Variants in NAV3 observed in about 807,000 individuals in gnomAD.
The protein encoded by NAV3 is neuron navigator 3, also known as pore membrane and/or filament interacting like protein 1.
A neutral mutation model predicts 244.7 loss-of-function variants in NAV3; 87 were observed. The ratio of observed to expected loss-of-function variants is 0.36; its 90% CI spans 0.30 to 0.42. The LOEUF is 0.42. Ranked by LOEUF, NAV3 falls within the 20% of genes least tolerant of loss-of-function variation. The pLI, the probability that NAV3 is intolerant of heterozygous loss-of-function variation, is 1.00. For missense variants in NAV3, 2,663 were observed against 2,893.3 expected (o/e 0.92, Z 1.83); for synonymous variants, 1,126 against 1,042.2 (o/e 1.08, Z -1.55).
chr12:77,832,229 C>T (rs778210454), intron 1 of NAV3, among the ~76,000 whole-genome samples: 2 of 152,170 alleles, frequency 1.3e-5, no homozygotes, highest in Non-Finnish European at 2.9e-5. Flanking sequence ...CTTGATACTG[C>T]ACATTTATAT....
intron 5 of NAV3, among the ~76,000 whole-genome samples, chr12:77,969,720 G>A (rs548068514): frequency 7.9e-5 from 12 of 152,138 alleles, no homozygotes; most frequent in South Asian, 6.2e-4. Flanking sequence ...TGACAGGTGC[G>A]TGTAATCCCA....
intron 2 of NAV3, among the ~76,000 whole-genome samples, chr12:77,609,787 G>A (rs1378370386): frequency 6.6e-6 from 1 of 151,976 alleles, no homozygotes; most frequent in Non-Finnish European, 1.5e-5. Flanking sequence ...GCCTTCACAA[G>A]GCAATCCTCA....
intron 1 of NAV3, among the ~76,000 whole-genome samples, chr12:77,903,418 T>G (rs865811988): frequency 2.0e-5 from 3 of 152,286 alleles, no homozygotes; most frequent in Middle Eastern, 6.8e-3. Context: ...TGATAAATGG[T>G]GCCGGGAAAA....
chr12:77,609,447 A>G lies in NAV3; in HGVS notation c.72+37181A>G, dbSNP rs78213581. Among the ~76,000 whole-genome samples the G allele has an allele frequency of 9.7e-3, 1,483 of 152,136 alleles. 24 individuals are homozygous for G. Among genetic ancestry groups the G allele is most frequent in the African/African-American group, 0.034 (1,426 of 41,526 alleles). Reference sequence around the variant, plus strand: ...CTTTTATTCCTTCTAGTTGATTCTGATGCTGCTAATCCACTGTTAAATGTT... The same window carrying G: ...CTTTTATTCCTTCTAGTTGATTCTGGTGCTGCTAATCCACTGTTAAATGTT... On this transcript the variant is annotated intron_variant, in intron 2 of 8. Transcript: ENST00000550042.
intron 2 of NAV3, among the ~76,000 whole-genome samples, chr12:77,621,229 G>T (rs928098816): frequency 6.6e-6 from 1 of 152,036 alleles, no homozygotes; most frequent in Non-Finnish European, 1.5e-5. Flanking sequence ...AAATCCCATG[G>T]GATAGTTAAC....
chr12:78,069,275 T>C (rs1218635192), intron 12 of NAV3, among the ~76,000 whole-genome samples: 2 of 152,050 alleles, frequency 1.3e-5, no homozygotes, highest in African/African-American at 4.8e-5. Context: ...AGTGTTTTCA[T>C]TATAAAATTA....
At chr12:77,946,239 ATGTGTGTG>A (rs763160031) in intron 3 of NAV3, among the ~76,000 whole-genome samples, 1 of 112,626 alleles carries the variant, frequency 8.9e-6, no homozygotes, top group African/African-American at 2.9e-5. Context: ...ATATGTGCGT[ATGTGTGTG>A]TGTGTGTGTG....
chr12:77,834,215 C>T (rs1874225944), intron 1 of NAV3, among the ~76,000 whole-genome samples: 1 of 152,110 alleles, frequency 6.6e-6, no homozygotes, highest in Admixed American at 6.5e-5. Flanking sequence ...TAGCCAGGGA[C>T]CCCATCTTTC....
At position 77,731,634 on chromosome 12, in the gene NAV3, A is replaced by T. The variant is rs1394968642; in HGVS notation, c.72+159368A>T. On this transcript the variant is annotated intron_variant, in intron 2 of 8. Transcript: ENST00000550042. ...GAGCTTTTAATGGGAAACAGCATGG[A>T]TATCATTTATCAACTTGAGAAAAAT... 3.9e-5 allele frequency among the ~76,000 whole-genome samples: 6 copies of T among 152,066 alleles called. No individual in the cohort carries two copies. The East Asian group carries it at 1.2e-3, about 29-fold the overall frequency.
intron 1 of NAV3, among the ~76,000 whole-genome samples, chr12:77,841,891 C>A (rs1565846404): frequency 6.6e-6 from 1 of 152,156 alleles, no homozygotes; most frequent in Non-Finnish European, 1.5e-5. Flanking sequence ...CATATCACTT[C>A]CACTCTATTT....
chr12:77,629,898 A>C (rs934930783), intron 2 of NAV3, among the ~76,000 whole-genome samples: 2 of 152,184 alleles, frequency 1.3e-5, no homozygotes, highest in Non-Finnish European at 2.9e-5. Flanking sequence ...TGAGTCCTTG[A>C]TAGGGTACTG....
Position 77,572,994 on chromosome 12 carries a change from G to T in NAV3, c.72+728G>T, listed in dbSNP as rs575976679. The stretch of plus-strand genomic sequence containing the variant: ...ACACTTATCAGAAGGGTTAGAGATG[G>T]CGTCTAGGAGAGAGAGCCCCACTCG... On this transcript the variant is annotated intron_variant, in intron 2 of 8. Transcript: ENST00000550042. Among the ~76,000 whole-genome samples, 8 of 152,296 alleles carry T rather than the reference G, an allele frequency of 5.3e-5. No individual in the cohort carries two copies. The South Asian group carries it at 1.5e-3, about 28-fold the overall frequency.
chr12:77,965,828 G>C, intron 3 of NAV3, among the ~76,000 whole-genome samples: 1 of 152,012 alleles, frequency 6.6e-6, no homozygotes, highest in Admixed American at 6.6e-5. Context: ...ATCTTTTGAC[G>C]TACTTGACAA....
chr12:78,088,364 A>G (rs1050556112), intron 12 of NAV3, among the ~76,000 whole-genome samples: 2 of 152,088 alleles, frequency 1.3e-5, no homozygotes, highest in African/African-American at 4.8e-5. Flanking sequence ...ATTAGACACT[A>G]TTATTATAGA....
At chr12:77,861,636 C>A (rs1592813123) in intron 1 of NAV3, among the ~76,000 whole-genome samples, 1 of 151,818 alleles carries the variant, frequency 6.6e-6, no homozygotes, top group East Asian at 1.9e-4. Flanking sequence ...TTTAGAGTTG[C>A]TATTACCTTC....
At chr12:77,845,482 G>A (rs970462757) in intron 1 of NAV3, among the ~76,000 whole-genome samples, 9 of 151,848 alleles carry the variant, frequency 5.9e-5, no homozygotes, top group African/African-American at 1.9e-4. Flanking sequence ...AAATCATCAC[G>A]CTTTACTTCA....
chr12:77,596,509 A>G (rs1870175509), intron 2 of NAV3, among the ~76,000 whole-genome samples: 1 of 152,118 alleles, frequency 6.6e-6, no homozygotes, highest in Non-Finnish European at 1.5e-5. Context: ...TTATTCTCAG[A>G]TTTATTTTTG....
Position 77,831,175 on chromosome 12 carries a change from GAGA to G in NAV3, c.-286_-284del, listed in dbSNP as rs1873594485. 6.2e-6 allele frequency: 1 copy of G among 160,634 alleles called. No homozygotes were observed. Among genetic ancestry groups the G allele is most frequent in the Admixed American group, 6.9e-5 (1 of 14,450 alleles). 10.0% of individuals were successfully genotyped at this position (160,634 alleles called of 1,614,324 possible). On this transcript the variant is annotated 5_prime_UTR_variant, in exon 1 of 40. Transcript: ENST00000397909. ...ACAGAGAGAGAGAGAGAGACAGAGA[GAGA>G]GAGAGAGAGAGAGAGACAGAGAGAG...
chr12:77,733,028 A>G (rs1027464797), intron 2 of NAV3, among the ~76,000 whole-genome samples: 4 of 152,082 alleles, frequency 2.6e-5, no homozygotes, highest in African/African-American at 9.7e-5. Flanking sequence ...AGAAGAAGAC[A>G]TTGAAGGATT....
Sources: allele counts gnomAD v4.1 joint callset (sites outside exome capture counted in the v4.1 genomes callset), GRCh38; gene constraint gnomAD v4.1.1; transcripts MANE v1.5; gene names NCBI Gene and HGNC (gene_info 2026-07-23, HGNC 2026-07-21).